Variants in NIPAL1 observed in about 807,000 individuals in gnomAD.
NIPAL1 encodes the protein NIPA like domain containing 1.
NIPAL1 carries 35 observed loss-of-function variants against 37.7 expected under a neutral mutation model. The observed-to-expected ratio is 0.93, with a 90% CI of 0.71 to 1.23. The LOEUF is 1.23. Among genes scored for constraint, NIPAL1 ranks in the 50% most tolerant of loss-of-function variants. The probability of loss-of-function intolerance (pLI) is 0.00; values close to 1 mark genes in which losing one functional copy is unlikely to be tolerated. For missense variants in NIPAL1, 412 were observed against 473.9 expected, an observed-to-expected ratio of 0.87 and a Z score of 1.21; for synonymous variants, 162 against 183.0, an observed-to-expected ratio of 0.89 and a Z score of 0.93.
chr4:48,034,822 GC>G (rs1024681376), intron 4 of NIPAL1, 58 bp from the exon 5 acceptor site: 38 of 1,342,920 alleles, frequency 2.8e-5, no homozygotes, highest in Non-Finnish European at 4.2e-6. Context: ...CTTCTGAGCT[GC>G]CATGGGATCA....
chr4:48,022,658 T>C (rs901319314), intron 1 of NIPAL1, among the ~76,000 whole-genome samples: 1 of 152,236 alleles, frequency 6.6e-6, no homozygotes, highest in African/African-American at 2.4e-5. Context: ...GATGTTTTCT[T>C]AGGAATGAAT....
At position 48,039,622 on chromosome 4, in the gene NIPAL1, GTTAT is replaced by G. The variant is rs1386252669; in HGVS notation, c.*3456_*3459del. On this transcript the variant is annotated 3_prime_UTR_variant, in exon 6 of 6. Transcript: ENST00000295461. ...TTACAATTTTATTCTTAGGTCAATGGTTATTTATTATAAGTTCAGATTGCACAAT... is the reference window on the plus strand; with the variant it reads ...TTACAATTTTATTCTTAGGTCAATGGTTATTATAAGTTCAGATTGCACAAT... 4 of 152,128 alleles carry G rather than the reference GTTAT, an allele frequency of 2.6e-5. No homozygotes were observed. The highest frequency in any genetic ancestry group is 4.4e-5 in the Non-Finnish European group (3 of 68,014). The allele number at this position is 152,128 out of a possible 1,614,324, so 9.4% of individuals were successfully genotyped here. A position where few individuals can be genotyped will look rare whatever the true frequency, so the allele number is the denominator to read the frequency against.
At chr4:48,026,741 CG>C (rs1257156861) in intron 2 of NIPAL1, among the ~76,000 whole-genome samples, 1 of 149,220 alleles carries the variant, frequency 6.7e-6, no homozygotes, top group Non-Finnish European at 1.5e-5. Flanking sequence ...TTTTTTCAGA[CG>C]GGGCTTTGCC....
intron 3 of NIPAL1, among the ~76,000 whole-genome samples, chr4:48,032,107 G>A (rs1347520981): frequency 6.6e-6 from 1 of 152,150 alleles, no homozygotes; most frequent in Non-Finnish European, 1.5e-5. Flanking sequence ...TTTGTTTAAT[G>A]ATGTTTTCCT....
At position 48,036,601 on chromosome 4, in the gene NIPAL1, G is replaced by C. The variant is rs1437010560; in HGVS notation, c.*429G>C. ...TAATTTCAAACTCAACAAGATTTCA[G>C]AAAGGTATAATCATGTAATTTCTCA... On this transcript the variant is annotated 3_prime_UTR_variant, in exon 6 of 6. Coordinates refer to ENST00000295461, the MANE Select transcript of NIPAL1 (RefSeq NM_207330.3). 5.9e-6 allele frequency: 1 copy of C among 169,358 alleles called. No individual in the cohort carries two copies. The highest frequency in any genetic ancestry group is 1.2e-5 in the Non-Finnish European group (1 of 80,774). The allele number at this position is 169,358 out of a possible 1,614,324, so 10.5% of individuals were successfully genotyped here.
intron 3 of NIPAL1, among the ~76,000 whole-genome samples, chr4:48,031,177 G>A (rs543210080): frequency 6.6e-6 from 1 of 152,130 alleles, no homozygotes; most frequent in East Asian, 1.9e-4. Flanking sequence ...CGATTCTCCT[G>A]CCTCAGCCTC....
chr4:48,039,480 GATTT>G lies in NIPAL1; in HGVS notation c.*3312_*3315del, dbSNP rs1716033590. On this transcript the variant is annotated 3_prime_UTR_variant, in exon 6 of 6. Transcript: ENST00000295461. ...CTTTGTCATCATGTACATATCTTAA[GATTT>G]ATTATGTGAATATCTGCATGTGTGT... The G allele has an allele frequency of 6.6e-6, 1 of 152,120 alleles. No individual in the cohort carries two copies. The highest frequency in any genetic ancestry group is 2.1e-4 in the South Asian group (1 of 4,828). The allele number at this position is 152,120 out of a possible 1,614,324, so 9.4% of individuals were successfully genotyped here.
rs1183172978 is a variant in NIPAL1, at chr4:48,036,431, T to G, written c.*259T>G. On this transcript the variant is annotated 3_prime_UTR_variant, in exon 6 of 6. Coordinates refer to ENST00000295461, the MANE Select transcript of NIPAL1 (RefSeq NM_207330.3). ...GAGCTATGTGTGTCTCAGAATAATC[T>G]CCTTCTTCTGGTCACAGTATCTTTG... is the stretch of plus-strand genomic sequence containing the variant. 1.2e-5 allele frequency: 5 copies of G among 405,718 alleles called. No homozygotes were observed. Among genetic ancestry groups the G allele is most frequent in the Non-Finnish European group, 2.2e-5 (5 of 227,980 alleles). 25.1% of individuals were successfully genotyped at this position (405,718 alleles called of 1,614,324 possible).
At chr4:48,022,398 A>G (rs1402163297) in intron 1 of NIPAL1, among the ~76,000 whole-genome samples, 1 of 152,214 alleles carries the variant, frequency 6.6e-6, no homozygotes, top group Non-Finnish European at 1.5e-5. Context: ...TGGAGCATTC[A>G]TGCCTGCCAG....
At chr4:48,024,717 G>C (rs1715649362) in intron 1 of NIPAL1, among the ~76,000 whole-genome samples, 1 of 152,204 alleles carries the variant, frequency 6.6e-6, no homozygotes, top group East Asian at 1.9e-4. Context: ...GTGTTGAACT[G>C]TTGAGCACAA....
At chr4:48,018,559 G>A (rs1052281245) in intron 1 of NIPAL1, among the ~76,000 whole-genome samples, 2 of 152,122 alleles carry the variant, frequency 1.3e-5, no homozygotes, top group African/African-American at 4.8e-5. Context: ...ATAAATTGGG[G>A]GTCATCCCTC....
intron 5 of NIPAL1, 33 bp downstream of exon 5, chr4:48,035,074 T>C: frequency 6.4e-7 from 1 of 1,568,484 alleles, no homozygotes; most frequent in Non-Finnish European, 8.8e-7. Flanking sequence ...CCACTCAAAT[T>C]CTGCTCCACT....
At chr4:48,017,304 G>A (rs1297723672) in intron 1 of NIPAL1, among the ~76,000 whole-genome samples, 1 of 152,182 alleles carries the variant, frequency 6.6e-6, no homozygotes. Flanking sequence ...GTGTCTGCCT[G>A]GGGGGCCCGT....
rs894907694 is a variant in NIPAL1 at position 48,037,260 on chromosome 4, C to G, written c.*1088C>G. 9.1e-6 allele frequency: 4 copies of G among 437,400 alleles called. No homozygotes were observed. Among genetic ancestry groups the G allele is most frequent in the Middle Eastern group, 6.6e-4 (2 of 3,034 alleles). 27.1% of individuals were successfully genotyped at this position (437,400 alleles called of 1,614,324 possible). A position where few individuals can be genotyped will look rare whatever the true frequency, so the allele number is the denominator to read the frequency against. ...AGTTTTCTTCTCACAAAAACACAGA[C>G]ACGTGATTGTTTTCACAGGTTCCAT... On this transcript the variant is annotated 3_prime_UTR_variant, in exon 6 of 6. Coordinates refer to ENST00000295461, the MANE Select transcript of NIPAL1 (RefSeq NM_207330.3).
At chr4:48,034,228 G>T (rs1715876291) in intron 4 of NIPAL1, among the ~76,000 whole-genome samples, 1 of 152,178 alleles carries the variant, frequency 6.6e-6, no homozygotes, top group Non-Finnish European at 1.5e-5. Context: ...CCAACCCATG[G>T]CCCATGGGCT....
chr4:48,024,802 C>G (rs1257716301), intron 1 of NIPAL1, among the ~76,000 whole-genome samples: 2 of 147,836 alleles, frequency 1.4e-5, no homozygotes, highest in African/African-American at 2.6e-5. Flanking sequence ...GTTCCCAGAT[C>G]GAATTTATAG....
intron 2 of NIPAL1, among the ~76,000 whole-genome samples, chr4:48,026,368 G>A (rs1236942227): frequency 6.6e-6 from 1 of 151,732 alleles, no homozygotes; most frequent in East Asian, 1.9e-4. Context: ...ACATCCATAT[G>A]GAAAAAAATC....
intron 1 of NIPAL1, among the ~76,000 whole-genome samples, chr4:48,018,652 A>C (rs997830030): frequency 6.6e-6 from 1 of 152,058 alleles, no homozygotes; most frequent in African/African-American, 2.4e-5. Flanking sequence ...GTAAACAAAG[A>C]CTCAATTTTT....
At chr4:48,023,399 T>A (rs1405382556) in intron 1 of NIPAL1, among the ~76,000 whole-genome samples, 2 of 152,196 alleles carry the variant, frequency 1.3e-5, no homozygotes, top group Admixed American at 6.5e-5. Context: ...ATAGGTCCAC[T>A]TATGGAAGTC....
Sources: allele counts gnomAD v4.1 joint callset (sites outside exome capture counted in the v4.1 genomes callset), GRCh38; gene constraint gnomAD v4.1.1; transcripts MANE v1.5; gene names NCBI Gene and HGNC (gene_info 2026-07-23, HGNC 2026-07-21).